DGKH: variants seen among roughly 807,000 people sequenced by gnomAD.
DGKH encodes DAG kinase eta.
In DGKH, 90 loss-of-function variants were observed where a neutral mutation model predicts 159.3. The observed-to-expected ratio is 0.57, with a 90% CI of 0.48 to 0.67. DGKH has a LOEUF of 0.67. Ranked by LOEUF, DGKH falls within the 30% of genes least tolerant of loss-of-function variation. The pLI is 0.00. For missense variants in DGKH, 1,181 were observed against 1,506.1 expected, an observed-to-expected ratio of 0.78 and a Z score of 3.57; for synonymous variants, 536 against 553.8, an observed-to-expected ratio of 0.97 and a Z score of 0.45.
chr13:42,057,539 C>T (rs1003332323), intron 1 of DGKH, among the ~76,000 whole-genome samples: 3 of 152,054 alleles, frequency 2.0e-5, no homozygotes, highest in African/African-American at 4.8e-5. Context: ...AATGAACACC[C>T]GTGAATCCAG....
chr13:42,060,041 G>T (rs1399046900), intron 1 of DGKH, among the ~76,000 whole-genome samples: 5 of 152,002 alleles, frequency 3.3e-5, no homozygotes. Flanking sequence ...GAGCAGCTGG[G>T]ATTACAGGTG....
intron 16 of DGKH, among the ~76,000 whole-genome samples, chr13:42,193,544 C>T (rs752962285): frequency 6.6e-5 from 10 of 152,002 alleles, no homozygotes; most frequent in Non-Finnish European, 8.8e-5. Flanking sequence ...TGAGAAATAC[C>T]GTATATTAAT....
At chr13:42,245,391 A>G (rs1594270932), downstream of DGKH, among the ~76,000 whole-genome samples, 1 of 152,328 alleles carries the variant, frequency 6.6e-6, no homozygotes, top group South Asian at 2.1e-4. Flanking sequence ...TGAATAAATC[A>G]GAAGTAATTT....
chr13:42,228,984 C>A, intron 29 of DGKH, 115 bp from the exon 30 acceptor site: 1 of 810,138 alleles, frequency 1.2e-6, no homozygotes, highest in Non-Finnish European at 1.9e-6. Context: ...TATTTAATCC[C>A]CAATTTTCTA....
chr13:42,085,126 A>G (rs1427914067), intron 1 of DGKH, among the ~76,000 whole-genome samples: 2 of 152,194 alleles, frequency 1.3e-5, no homozygotes, highest in South Asian at 2.1e-4. Flanking sequence ...CAGATGATAT[A>G]AAAACAGCTG....
intron 1 of DGKH, among the ~76,000 whole-genome samples, chr13:42,095,965 CTTG>C (rs1235889803): frequency 6.6e-6 from 1 of 152,062 alleles, no homozygotes; most frequent in Non-Finnish European, 1.5e-5. Context: ...TATGTCATTG[CTTG>C]TTATTTTCTT....
chr13:42,244,652 C>G (rs238341), downstream of DGKH, among the ~76,000 whole-genome samples: 57,949 of 151,766 alleles, frequency 0.38, 11,544 homozygotes, highest in East Asian at 0.64. Context: ...CGCCTGTAAT[C>G]CCAGCACTTT....
chr13:42,181,120 C>CA (rs1227113168), intron 13 of DGKH, among the ~76,000 whole-genome samples: 3 of 151,530 alleles, frequency 2.0e-5, no homozygotes, highest in Admixed American at 6.6e-5. Context: ...ACTAAAAATA[C>CA]AAAAAAATTA....
intron 26 of DGKH, 77 bp from the exon 27 acceptor site, chr13:42,219,151 CAA>C: frequency 6.4e-7 from 1 of 1,557,440 alleles, no homozygotes; most frequent in Non-Finnish European, 8.7e-7. Context: ...TGTTCACTGT[CAA>C]AGTACAATGA....
chr13:42,143,889 CT>C (rs1422839842), intron 3 of DGKH, among the ~76,000 whole-genome samples: 2 of 151,998 alleles, frequency 1.3e-5, no homozygotes, highest in African/African-American at 4.8e-5. Context: ...TTTTTTGTGT[CT>C]CTATTTCCTT....
chr13:42,197,375 A>G (rs1260912128), intron 17 of DGKH, among the ~76,000 whole-genome samples: 4 of 151,718 alleles, frequency 2.6e-5, no homozygotes, highest in Non-Finnish European at 5.9e-5. Context: ...TCATTCATTT[A>G]CTTGTTTAGA....
chr13:42,080,378 C>A (rs916944389), intron 1 of DGKH, among the ~76,000 whole-genome samples: 2 of 152,084 alleles, frequency 1.3e-5, no homozygotes, highest in Admixed American at 6.5e-5. Context: ...GATTTCTGCC[C>A]CCTGGGAGAG....
In DGKH at chr13:42,174,119, C is replaced by T. The variant is rs907816135; in HGVS notation, c.1427C>T (p.Pro476Leu). Residue 476 changes from proline to leucine, a missense_variant, in exon 12 of 30, where the codon CCT (proline) becomes CTT (leucine). Transcript: ENST00000337343. ...CCAAAAGCTTCCCTACTTCCAGGACCTCCAGAAGCATCTGAAGAATTTTAT... is the reference window on the plus strand; with the variant it reads ...CCAAAAGCTTCCCTACTTCCAGGACTTCCAGAAGCATCTGAAGAATTTTAT... ...LPPKASLLPG[P>L]PEASEEFYMT... is the part of the protein sequence containing the mutation. The T allele has an allele frequency of 1.2e-6, 2 of 1,613,382 alleles. No individual in the cohort carries two copies. The highest frequency in any genetic ancestry group is 1.7e-6 in the Non-Finnish European group (2 of 1,179,836).
At position 42,221,328 on chromosome 13, in the gene DGKH, A is replaced by G. The variant is rs756240676; in HGVS notation, c.3507A>G (p.Lys1169=). The part of the protein sequence containing the change: ...WLDLLNLGEY[K]DIFIRHDIRG... ...ATCTGCTCAATTTGGGAGAGTACAA[A>G]GATATCTTCATCCGTCATGACATCA... The change falls in exon 29 of 30, where the codon AAA becomes AAG. Residue 1169 remains lysine, a synonymous_variant. Transcript: ENST00000337343. 2 of 1,613,842 alleles carry G rather than the reference A, an allele frequency of 1.2e-6. No individual in the cohort carries two copies. The highest frequency in any genetic ancestry group is 1.7e-5 in the Admixed American group (1 of 60,018).
chr13:42,076,456 A>G (rs745635835), intron 1 of DGKH, among the ~76,000 whole-genome samples: 1 of 152,190 alleles, frequency 6.6e-6, no homozygotes, highest in East Asian at 1.9e-4. Flanking sequence ...GAGAGAAAAG[A>G]AAATCAACCC....
chr13:42,077,460 T>G (rs1406518294), intron 1 of DGKH, among the ~76,000 whole-genome samples: 1 of 152,182 alleles, frequency 6.6e-6, no homozygotes, highest in African/African-American at 2.4e-5. Context: ...ACTACCTTAA[T>G]GTTTCAATAG....
At chr13:42,121,589 T>C (rs1955073301) in intron 1 of DGKH, among the ~76,000 whole-genome samples, 1 of 152,216 alleles carries the variant, frequency 6.6e-6, no homozygotes, top group African/African-American at 2.4e-5. Flanking sequence ...GTAAAACCTA[T>C]CCTCAGTTGA....
In DGKH at chr13:42,219,743, C is replaced by A. The variant is rs1201252300; in HGVS notation, c.3391C>A (p.Pro1131Thr). The change falls in exon 28 of 30, where the codon CCA (proline) becomes ACA (threonine). Residue 1131 changes from proline (P) to threonine (T), a missense_variant. By Grantham distance (38) the Pro-to-Thr change is conservative (BLOSUM62 -1). Transcript: ENST00000337343. ...NNRSTVFRIV[P>T]KFKKEKVQKQ... ...CAGAAGCACCGTATTTCGAATAGTGCCAAAGTTTAAAAAGGAAAAGGTTCA... is the reference window on the plus strand; with the variant it reads ...CAGAAGCACCGTATTTCGAATAGTGACAAAGTTTAAAAAGGAAAAGGTTCA... The A allele has an allele frequency of 6.2e-7, 1 of 1,613,554 alleles. No individual in the cohort carries two copies. The highest frequency in any genetic ancestry group is 1.3e-5 in the African/African-American group (1 of 74,934).
chr13:42,115,025 A>C (rs1428780078), intron 1 of DGKH, among the ~76,000 whole-genome samples: 2 of 152,196 alleles, frequency 1.3e-5, no homozygotes, highest in Admixed American at 1.3e-4. Flanking sequence ...GGTGATGTTT[A>C]TTTATTTACA....
Sources: allele counts gnomAD v4.1 joint callset (sites outside exome capture counted in the v4.1 genomes callset), GRCh38; gene constraint gnomAD v4.1.1; transcripts MANE v1.5; gene names NCBI Gene and HGNC (gene_info 2026-07-23, HGNC 2026-07-21).